FOXN3: variants seen among roughly 807,000 people sequenced by gnomAD.
The protein encoded by FOXN3 is forkhead box N3, also known as forkhead box protein N3.
In FOXN3, 7 loss-of-function variants were observed where a neutral mutation model predicts 38.4. That is an observed-to-expected ratio of 0.18 (90% CI 0.10 to 0.34). The LOEUF is 0.34. Ranked by LOEUF, FOXN3 falls within the 10% of genes least tolerant of loss-of-function variation. The probability of loss-of-function intolerance (pLI) is 1.00; values close to 1 mark genes in which losing one functional copy is unlikely to be tolerated. For missense variants in FOXN3, 456 were observed against 613.4 expected, an observed-to-expected ratio of 0.74 and a Z score of 2.71; for synonymous variants, 230 against 242.2, an observed-to-expected ratio of 0.95 and a Z score of 0.47.
intron 3 of FOXN3, among the ~76,000 whole-genome samples, chr14:89,322,102 C>A (rs745589364): frequency 2.0e-5 from 3 of 152,354 alleles, no homozygotes; most frequent in East Asian, 1.9e-4. Context: ...AAGTTCCTCC[C>A]GGCTTGCTGC....
Position 89,360,727 on chromosome 14 carries a change from CCACCACCTCCAG to C in FOXN3, c.544-9931_544-9920del, listed in dbSNP as rs1218816657. On this transcript the variant is annotated intron_variant, in intron 2 of 5. Transcript: ENST00000557258. ...ACCACCTCCAGCACTACCTCCACCA[CCACCACCTCCAG>C]CACCACCTCCACCACCACCTCCACC... Among the ~76,000 whole-genome samples, 65 of 136,834 alleles carry C rather than the reference CCACCACCTCCAG, an allele frequency of 4.8e-4. 3 individuals carry two copies. Among genetic ancestry groups the C allele is most frequent in the African/African-American group, 6.2e-4 (21 of 33,776 alleles). 89.8% of individuals were successfully genotyped at this position (136,834 alleles called of 152,430 possible). A position where few individuals can be genotyped will look rare whatever the true frequency, so the allele number is the denominator to read the frequency against.
intron 1 of FOXN3, among the ~76,000 whole-genome samples, chr14:89,487,487 C>T (rs1893473621): frequency 6.6e-6 from 1 of 152,162 alleles, no homozygotes; most frequent in African/African-American, 2.4e-5. Context: ...AGTCAGAATA[C>T]ATTATCCAGA....
At chr14:89,340,066 G>A (rs1888573069) in intron 3 of FOXN3, among the ~76,000 whole-genome samples, 1 of 152,062 alleles carries the variant, frequency 6.6e-6, no homozygotes, top group Admixed American at 6.6e-5. Context: ...AAGACCCACA[G>A]CTGCAAAGAG....
At chr14:89,346,285 A>AT (rs920428234) in intron 3 of FOXN3, among the ~76,000 whole-genome samples, 4 of 152,336 alleles carry the variant, frequency 2.6e-5, no homozygotes, top group African/African-American at 9.6e-5. Flanking sequence ...CTGCACAGTT[A>AT]ATTCATATTT....
At chr14:89,602,963 G>A (rs1400780363) in intron 1 of FOXN3, among the ~76,000 whole-genome samples, 5 of 152,102 alleles carry the variant, frequency 3.3e-5, no homozygotes, top group Admixed American at 6.5e-5. Flanking sequence ...AAGTAAGGGT[G>A]GAATGAAGTT....
intron 1 of FOXN3, among the ~76,000 whole-genome samples, chr14:89,499,237 C>T (rs756488952): frequency 2.0e-5 from 3 of 151,966 alleles, no homozygotes; most frequent in African/African-American, 7.3e-5. Flanking sequence ...TGTTTTGATT[C>T]GCATCTAATA....
chr14:89,520,309 A>G (rs1894294127), intron 1 of FOXN3, among the ~76,000 whole-genome samples: 1 of 152,136 alleles, frequency 6.6e-6, no homozygotes, highest in Admixed American at 6.6e-5. Context: ...CACAGCTCGC[A>G]CTGCAGCCTT....
intron 4 of FOXN3, among the ~76,000 whole-genome samples, chr14:89,235,266 T>TC (rs1884945809): frequency 1.3e-5 from 2 of 152,148 alleles, no homozygotes; most frequent in African/African-American, 4.8e-5. Context: ...GCTTACTGAT[T>TC]CCCTCACTGT....
intron 4 of FOXN3, among the ~76,000 whole-genome samples, chr14:89,277,631 C>T (rs1211637763): frequency 6.6e-6 from 1 of 152,048 alleles, no homozygotes; most frequent in Non-Finnish European, 1.5e-5. Flanking sequence ...GGGAGGACCT[C>T]GAGAACAACC....
chr14:89,243,891 C>G (rs6575048), intron 4 of FOXN3, among the ~76,000 whole-genome samples: 121,534 of 152,158 alleles, frequency 0.8, 48,587 homozygotes, highest in Non-Finnish European at 0.82. Flanking sequence ...CCACATAAGC[C>G]CTCCCTCCGG....
intron 5 of FOXN3, among the ~76,000 whole-genome samples, chr14:89,167,523 A>T (rs1360921330): frequency 2.0e-5 from 3 of 152,220 alleles, no homozygotes; most frequent in Non-Finnish European, 2.9e-5. Context: ...TTGTAGAAGC[A>T]GGGGACTGGA....
At chr14:89,427,967 G>T (rs1406720267) in intron 1 of FOXN3, among the ~76,000 whole-genome samples, 1 of 151,926 alleles carries the variant, frequency 6.6e-6, no homozygotes, top group Admixed American at 6.6e-5. Context: ...AGATTTTATT[G>T]TTTTCCTCTC....
chr14:89,544,789 T>C (rs1025967972), intron 1 of FOXN3, among the ~76,000 whole-genome samples: 9 of 152,114 alleles, frequency 5.9e-5, no homozygotes, highest in South Asian at 2.1e-4. Context: ...ATATACAGTG[T>C]AGAAATGCTA....
At chr14:89,333,629 G>A (rs1888327635) in intron 3 of FOXN3, among the ~76,000 whole-genome samples, 1 of 151,176 alleles carries the variant, frequency 6.6e-6, no homozygotes, top group Admixed American at 6.6e-5. Flanking sequence ...AGGCATGGTG[G>A]CGCCTGCCTG....
intron 1 of FOXN3, among the ~76,000 whole-genome samples, chr14:89,606,159 CA>C (rs1303198689): frequency 1.3e-5 from 2 of 151,970 alleles, no homozygotes; most frequent in East Asian, 3.9e-4. Flanking sequence ...GAGATGAAGT[CA>C]ATAAATTCCT....
intron 1 of FOXN3, among the ~76,000 whole-genome samples, chr14:89,526,027 G>T (rs1596307677): frequency 6.6e-6 from 1 of 151,540 alleles, no homozygotes; most frequent in Non-Finnish European, 1.5e-5. Context: ...AAAGTCAAAT[G>T]ATCATCTCAA....
chr14:89,377,638 A>C (rs917370769), intron 2 of FOXN3, among the ~76,000 whole-genome samples: 1 of 152,254 alleles, frequency 6.6e-6, no homozygotes, highest in African/African-American at 2.4e-5. Context: ...ACAGTAAAAA[A>C]TAAGAAGGGA....
chr14:89,538,213 T>C (rs1000489979), intron 1 of FOXN3, among the ~76,000 whole-genome samples: 1 of 152,226 alleles, frequency 6.6e-6, no homozygotes, highest in African/African-American at 2.4e-5. Context: ...ACGCAGTTCA[T>C]TCATGCATTT....
chr14:89,332,154 T>A (rs1888265632), intron 3 of FOXN3, among the ~76,000 whole-genome samples: 1 of 152,206 alleles, frequency 6.6e-6, no homozygotes, highest in African/African-American at 2.4e-5. Context: ...TCTTTTCTGC[T>A]GCAATATTCT....
Sources: allele counts gnomAD v4.1 joint callset (sites outside exome capture counted in the v4.1 genomes callset), GRCh38; gene constraint gnomAD v4.1.1; transcripts MANE v1.5; gene names NCBI Gene and HGNC (gene_info 2026-07-23, HGNC 2026-07-21).